SMARCA1: variants seen among roughly 807,000 people sequenced by gnomAD.
The protein encoded by SMARCA1 is SNF2 related chromatin remodeling ATPase 1.
In SMARCA1, 17 loss-of-function variants were observed where a neutral mutation model predicts 93.6. The ratio of observed to expected loss-of-function variants is 0.18; its 90% CI spans 0.12 to 0.27. The LOEUF is 0.27. Among genes scored for constraint, SMARCA1 ranks in the 10% least tolerant of loss-of-function variants. The probability of loss-of-function intolerance (pLI) is 1.00; values close to 1 mark genes in which losing one functional copy is unlikely to be tolerated. For synonymous variants in SMARCA1, 271 were observed against 271.4 expected (o/e 1.00, Z 0.01); for missense variants, 630 against 819.0 (o/e 0.77, Z 2.82).
chrX:129,488,333 G>C (rs1478516975), intron 16 of SMARCA1, among the ~76,000 whole-genome samples: 2 of 107,056 alleles, frequency 1.9e-5, no homozygotes, highest in Non-Finnish European at 3.8e-5. Context: ...TCCTGGTCAG[G>C]CATGGTGGCT....
intron 9 of SMARCA1, among the ~76,000 whole-genome samples, chrX:129,501,308 T>G (rs1934545657): frequency 9.1e-6 from 1 of 110,374 alleles, no homozygotes; most frequent in Admixed American, 9.7e-5. Context: ...ACTTTTTTTT[T>G]TTTTTGAGAC....
rs182680943 is a variant in SMARCA1, at chrX:129,517,939, T to G, written c.261+422A>C. On this transcript the variant is annotated intron_variant, in intron 2 of 24. Transcript: ENST00000371121. ...TACACATTTCATTAATGTGTAGCAT[T>G]TATTCATATGTCCAAAGAAGGAGAA... Among the ~76,000 whole-genome samples, 11 of 111,664 alleles carry G rather than the reference T, an allele frequency of 9.9e-5. No individual in the cohort carries two copies. In the East Asian group the frequency reaches 3.1e-3, roughly 31 times the overall value.
chrX:129,454,637 AACAG>A (rs1346344251), intron 23 of SMARCA1, among the ~76,000 whole-genome samples: 1 of 111,905 alleles, frequency 8.9e-6, no homozygotes, highest in Non-Finnish European at 1.9e-5. Flanking sequence ...GAAGGATATG[AACAG>A]ACACTTTTTA....
intron 19 of SMARCA1, among the ~76,000 whole-genome samples, chrX:129,475,567 G>C (rs749086394): frequency 9.0e-6 from 1 of 111,572 alleles, no homozygotes; most frequent in East Asian, 2.8e-4. Flanking sequence ...CAATAGTACT[G>C]AACAGATACC....
At chrX:129,523,145 A>G in intron 1 of SMARCA1, 52 bp downstream of exon 1, 2 of 1,177,524 alleles carry the variant, frequency 1.7e-6, no homozygotes, top group Admixed American at 2.2e-5. Context: ...GGCCCCTCAG[A>G]GGGGCCAGGC....
intron 14 of SMARCA1, 43 bp downstream of exon 14, chrX:129,491,898 T>C: frequency 9.9e-7 from 1 of 1,005,857 alleles, no homozygotes; most frequent in Non-Finnish European, 1.4e-6. Flanking sequence ...GCAATAGTAT[T>C]CAGAGCTATG....
intron 14 of SMARCA1, 148 bp downstream of exon 14, chrX:129,491,793 C>T: frequency 2.8e-6 from 1 of 357,744 alleles, no homozygotes; most frequent in Admixed American, 5.1e-5. Flanking sequence ...ATTAGCATAG[C>T]AACTGTGTTT....
intron 23 of SMARCA1, among the ~76,000 whole-genome samples, chrX:129,464,312 T>C (rs1200105277): frequency 7.1e-5 from 8 of 112,729 alleles, no homozygotes; most frequent in Admixed American, 1.9e-4. Context: ...AAGATATTTA[T>C]GATAGGTAGC....
chrX:129,521,696 C>T (rs1035960312), intron 1 of SMARCA1, among the ~76,000 whole-genome samples: 2 of 112,399 alleles, frequency 1.8e-5, no homozygotes, highest in African/African-American at 6.5e-5. Flanking sequence ...GAATAAAAGG[C>T]ACACAGACAT....
At chrX:129,451,355 T>G (rs1014294796) in intron 23 of SMARCA1, among the ~76,000 whole-genome samples, 4 of 111,875 alleles carry the variant, frequency 3.6e-5, no homozygotes, top group African/African-American at 1.3e-4. Context: ...AGCTGACTCG[T>G]GAATCATTAA....
At chrX:129,458,261 A>C (rs1409629808) in intron 23 of SMARCA1, among the ~76,000 whole-genome samples, 1 of 112,448 alleles carries the variant, frequency 8.9e-6, no homozygotes, top group East Asian at 2.8e-4. Context: ...TGATGTTTTT[A>C]GCCACTAAAA....
chrX:129,465,330 T>C (rs1177340222), intron 23 of SMARCA1, among the ~76,000 whole-genome samples, 190 bp downstream of exon 23: 1 of 111,880 alleles, frequency 8.9e-6, no homozygotes, highest in Non-Finnish European at 1.9e-5. Context: ...CCCGTATTTT[T>C]TAATACAAAA....
chrX:129,504,871 C>T, intron 8 of SMARCA1, 69 bp from the exon 9 acceptor site: 1 of 638,048 alleles, frequency 1.6e-6, no homozygotes, highest in South Asian at 2.8e-5. Flanking sequence ...TCTGTAGATT[C>T]TTATACAACC....
intron 11 of SMARCA1, among the ~76,000 whole-genome samples, chrX:129,497,540 G>A (rs1229275209): frequency 9.0e-6 from 1 of 110,982 alleles, no homozygotes; most frequent in Non-Finnish European, 1.9e-5. Flanking sequence ...CCTACACATT[G>A]TCCAGTGCTC....
At chrX:129,475,958 T>C (rs1353636821) in intron 19 of SMARCA1, among the ~76,000 whole-genome samples, 2 of 112,533 alleles carry the variant, frequency 1.8e-5, no homozygotes, top group Non-Finnish European at 3.7e-5. Context: ...TGTCAAATGT[T>C]TATATTTGTC....
At chrX:129,492,129 G>A in intron 13 of SMARCA1, 36 bp from the exon 14 acceptor site, 1 of 923,267 alleles carries the variant, frequency 1.1e-6, no homozygotes, top group Non-Finnish European at 1.5e-6. Context: ...AGAAGAAAAA[G>A]AGAAAAATAA....
At chrX:129,499,992 C>G (rs1934492049) in intron 9 of SMARCA1, 151 bp from the exon 10 acceptor site, 1 of 302,292 alleles carries the variant, frequency 3.3e-6, no homozygotes, top group Non-Finnish European at 5.8e-6. Context: ...GGTAAAGAAC[C>G]ACCAAGTAAG....
chrX:129,454,079 G>T (rs914530266), intron 23 of SMARCA1, among the ~76,000 whole-genome samples: 1 of 111,627 alleles, frequency 9.0e-6, no homozygotes, highest in African/African-American at 3.3e-5. Flanking sequence ...GCATGATATT[G>T]GTACCAAAAC....
At chrX:129,503,505 G>A (rs1465136162) in intron 9 of SMARCA1, among the ~76,000 whole-genome samples, 1 of 111,748 alleles carries the variant, frequency 8.9e-6, no homozygotes. Flanking sequence ...TAGAAAATGA[G>A]TTCATTGCTG....
Sources: gnomAD v4.1 joint callset for allele counts (sites outside exome capture counted in the v4.1 genomes callset) on GRCh38, gnomAD v4.1.1 for gene constraint, MANE v1.5 for transcripts, NCBI Gene and HGNC (gene_info 2026-07-23, HGNC 2026-07-21) for gene names.